The following RTN4RL1 variants were observed in gnomAD, a reference collection of about 807,000 sequenced individuals.
The protein encoded by RTN4RL1 is reticulon 4 receptor like 1.
In RTN4RL1, 7 loss-of-function variants were observed where a neutral mutation model predicts 25.6. The ratio of observed to expected loss-of-function variants is 0.27; its 90% confidence interval spans 0.16 to 0.51. The LOEUF (loss-of-function observed/expected upper bound fraction) is 0.51. Ranked by LOEUF, RTN4RL1 falls within the 20% of genes least tolerant of loss-of-function variation. The pLI is 0.97. For synonymous variants in RTN4RL1, 297 were observed against 288.2 expected (o/e 1.03, Z -0.31); for missense variants, 500 against 615.6 (o/e 0.81, Z 1.99).
chr17:1,979,641 T>C (rs973104915), intron 1 of RTN4RL1, among the ~76,000 whole-genome samples: 8 of 152,278 alleles, frequency 5.3e-5, no homozygotes, highest in Non-Finnish European at 8.8e-5. Flanking sequence ...ATGGGAGTCT[T>C]CACCAGCCTA....
intron 1 of RTN4RL1, among the ~76,000 whole-genome samples, chr17:1,989,062 C>T (rs577735822): frequency 3.3e-5 from 5 of 152,176 alleles, no homozygotes; most frequent in South Asian, 2.1e-4. Context: ...CCCCTAATTG[C>T]GGCAAGGAGG....
In RTN4RL1 at chr17:1,994,450, T is replaced by C. The variant is rs2066921512; in HGVS notation, c.13+30403A>G. Among the ~76,000 whole-genome samples, 3 of 152,144 alleles carry C rather than the reference T, an allele frequency of 2.0e-5. No individual in the cohort carries two copies. The highest frequency in any genetic ancestry group is 4.4e-5 in the Non-Finnish European group (3 of 68,012). On this transcript the variant is annotated intron_variant, in intron 1 of 1. Transcript: ENST00000331238. The surrounding 1 kb of genome is among the most constrained non-coding windows in gnomAD (Gnocchi z 4.3). ...GGGCGAGTACTGCCCAAGTCCTGAA[T>C]ATCCTCGGCCTCATCCCCTGATATT...
rs199980302 is a variant in RTN4RL1 at position 1,943,883 on chromosome 17, ATT to A, written c.14-6077_14-6076del. Among the ~76,000 whole-genome samples the A allele has an allele frequency of 1.0e-3, 154 of 152,094 alleles. 1 individual carries two copies. In the East Asian group the frequency reaches 0.027, roughly 26 times the overall value. Reference sequence around the variant, plus strand: ...GGGCTCCTTGTCCATGGCATAGGGCATTGGAAAGAGCACAAGCTTTGGAGCCA... The same window carrying A: ...GGGCTCCTTGTCCATGGCATAGGGCAGGAAAGAGCACAAGCTTTGGAGCCA... On this transcript the variant is annotated intron_variant, in intron 1 of 1. Coordinates refer to ENST00000331238, the MANE Select transcript of RTN4RL1 (RefSeq NM_178568.4).
In RTN4RL1 at chr17:1,998,206, G is replaced by T. The variant is rs1299121765; in HGVS notation, c.13+26647C>A. On this transcript the variant is annotated intron_variant, in intron 1 of 1. Transcript: ENST00000331238. The surrounding 1 kb of genome is among the most constrained non-coding windows in gnomAD (Gnocchi z 4.9). ...TTTACTATGTTTTGTTTGGCCTTTG[G>T]GGGAGGGGCGGGGAGGGCTGTCGCA... Among the ~76,000 whole-genome samples the T allele has an allele frequency of 1.3e-5, 2 of 152,148 alleles. No individual in the cohort carries two copies. The highest frequency in any genetic ancestry group is 2.4e-5 in the African/African-American group (1 of 41,522).
chr17:1,990,743 A>AAAGG (rs1483368597), intron 1 of RTN4RL1, among the ~76,000 whole-genome samples: 1 of 152,168 alleles, frequency 6.6e-6, no homozygotes. Flanking sequence ...CTAACAGAAG[A>AAAGG]AAGGAAGGAA....
chr17:1,961,883 G>A (rs2066765135), intron 1 of RTN4RL1, among the ~76,000 whole-genome samples: 1 of 150,898 alleles, frequency 6.6e-6, no homozygotes, highest in African/African-American at 2.4e-5. Flanking sequence ...GGGAGGTGGA[G>A]GTTGCAGTGA....
chr17:1,944,964 C>T lies in RTN4RL1; in HGVS notation c.14-7156G>A, dbSNP rs567962370. On this transcript the variant is annotated intron_variant, in intron 1 of 1. Coordinates refer to ENST00000331238, the MANE Select transcript of RTN4RL1 (RefSeq NM_178568.4). The stretch of plus-strand genomic sequence containing the variant: ...CTCTCTCAGTAAGGTCCCTCCAAGT[C>T]TGTTCTGTGGCCCAGAGGCCCAGTT... Among the ~76,000 whole-genome samples, 4 of 152,346 alleles carry T rather than the reference C, an allele frequency of 2.6e-5. No individual in the cohort carries two copies. In the South Asian group the frequency reaches 8.3e-4, roughly 32 times the overall value.
intron 1 of RTN4RL1, among the ~76,000 whole-genome samples, chr17:1,972,335 T>TA (rs11400196): frequency 0.92 from 136,651 of 148,748 alleles, 62,919 homozygotes; most frequent in Admixed American, 0.95. Flanking sequence ...AATAAAAATT[T>TA]AAAAAAAAAA....
At chr17:1,967,140 C>T (rs1450792951) in intron 1 of RTN4RL1, among the ~76,000 whole-genome samples, 2 of 149,128 alleles carry the variant, frequency 1.3e-5, no homozygotes, top group African/African-American at 2.6e-5. Flanking sequence ...CCCAGGCTCC[C>T]GCCGCTCCTC....
chr17:1,935,461 A>G lies in RTN4RL1; in HGVS notation c.*1035T>C. On this transcript the variant is annotated 3_prime_UTR_variant, in exon 2 of 2. Transcript: ENST00000331238. ...AAATATCTAAGAATATTGGTCCCCC[A>G]AAGTGACTCTTGCTGCCTCCCCCTT... The G allele has an allele frequency of 1.3e-6, 1 of 742,820 alleles. No individual in the cohort carries two copies. Among genetic ancestry groups the G allele is most frequent in the Non-Finnish European group, 1.6e-6 (1 of 608,098 alleles). The allele number at this position is 742,820 out of a possible 1,614,324, so 46.0% of individuals were successfully genotyped here.
chr17:1,967,185 C>A (rs1247948527), intron 1 of RTN4RL1, among the ~76,000 whole-genome samples: 2 of 151,782 alleles, frequency 1.3e-5, no homozygotes, highest in Non-Finnish European at 2.9e-5. Flanking sequence ...GTTATCAATT[C>A]TTTGGATTTT....
At chr17:1,954,430 C>A (rs1915747705) in intron 1 of RTN4RL1, among the ~76,000 whole-genome samples, 1 of 149,654 alleles carries the variant, frequency 6.7e-6, no homozygotes, top group Non-Finnish European at 1.5e-5. Context: ...CTCTTGCCAC[C>A]CAGACTGGAG....
intron 1 of RTN4RL1, among the ~76,000 whole-genome samples, chr17:1,963,247 C>T (rs1055923029): frequency 6.6e-6 from 1 of 152,192 alleles, no homozygotes; most frequent in Admixed American, 6.5e-5. Context: ...CCCCTCTGGG[C>T]GTAGAGCTGT....
intron 1 of RTN4RL1, among the ~76,000 whole-genome samples, chr17:1,971,756 A>G (rs1371306273): frequency 2.0e-5 from 3 of 151,940 alleles, no homozygotes; most frequent in South Asian, 2.1e-4. Context: ...AGGTCAGGAG[A>G]TCGAGACCAT....
intron 1 of RTN4RL1, among the ~76,000 whole-genome samples, chr17:1,942,219 G>A (rs985557217): frequency 7.2e-5 from 11 of 152,232 alleles, no homozygotes; most frequent in Non-Finnish European, 8.8e-5. Context: ...CTGACTGCTC[G>A]GGTATCCCCA....
intron 1 of RTN4RL1, among the ~76,000 whole-genome samples, chr17:1,968,744 C>T (rs920519184): frequency 6.6e-6 from 1 of 152,192 alleles, no homozygotes; most frequent in Non-Finnish European, 1.5e-5. Context: ...CCCTCCTTCC[C>T]GCACCTGCCT....
Position 1,935,694 on chromosome 17 carries a change from G to A in RTN4RL1, c.*802C>T, listed in dbSNP as rs1181493588. The stretch of plus-strand genomic sequence containing the variant: ...GTACAGTTAGGTAACGGAGTGGGAG[G>A]GGGACTGTGCATTTGTGTATATATA... On this transcript the variant is annotated 3_prime_UTR_variant, in exon 2 of 2. Coordinates refer to ENST00000331238, the MANE Select transcript of RTN4RL1 (RefSeq NM_178568.4). The A allele has an allele frequency of 1.2e-6, 1 of 824,496 alleles. No individual in the cohort carries two copies. Among genetic ancestry groups the A allele is most frequent in the East Asian group, 1.4e-4 (1 of 7,072 alleles). The allele number at this position is 824,496 out of a possible 1,614,324, so 51.1% of individuals were successfully genotyped here.
At chr17:1,949,529 C>T (rs1001141204) in intron 1 of RTN4RL1, among the ~76,000 whole-genome samples, 24 of 152,178 alleles carry the variant, frequency 1.6e-4, no homozygotes, top group African/African-American at 5.3e-4. Flanking sequence ...TCCCCAGCCC[C>T]GAAGACCCGC....
rs376642147 is a variant in RTN4RL1 at position 1,937,495 on chromosome 17, G to A, written c.327C>T (p.Asp109=). 6.9e-4 allele frequency: 1,110 copies of A among 1,613,876 alleles called. 2 individuals carry two copies. The highest frequency in any genetic ancestry group is 9.0e-4 in the Non-Finnish European group (1,060 of 1,179,892). Residue 109 remains aspartate, a synonymous_variant, in exon 2 of 2, where the codon GAC becomes GAT. Coordinates refer to ENST00000331238, the MANE Select transcript of RTN4RL1 (RefSeq NM_178568.4). ...GTGCCAGCGTCCGCAGCTGCCGGTT[G>A]TCGCCGAGGTCCAGCTCCTCCAGGT... ...FVHLEELDLG[D]NRQLRTLAPE... is the part of the protein sequence containing the mutation.
Sources: allele counts gnomAD v4.1 joint callset (sites outside exome capture counted in the v4.1 genomes callset), GRCh38; gene constraint gnomAD v4.1.1; non-coding constraint Gnocchi (gnomAD v3.1); transcripts MANE v1.5; gene names NCBI Gene and HGNC (gene_info 2026-07-23, HGNC 2026-07-21).